ZNF208: variants seen among roughly 807,000 people sequenced by gnomAD.
ZNF208 encodes the protein zinc finger protein 95.
A neutral mutation model predicts 12.1 loss-of-function variants in ZNF208; 10 were observed. The ratio of observed to expected loss-of-function variants is 0.83; its 90% CI spans 0.51 to 1.40. The LOEUF is 1.40. Ranked by LOEUF, ZNF208 falls within the 40% of genes most tolerant of loss-of-function variation. The pLI is 0.00. For missense variants in ZNF208, 1,652 were observed against 1,485.0 expected, an observed-to-expected ratio of 1.11 and a Z score of -1.85; for synonymous variants, 497 against 488.4, an observed-to-expected ratio of 1.02 and a Z score of -0.23.
intron 1 of ZNF208, among the ~76,000 whole-genome samples, chr19:21,990,701 T>C (rs1341259757): frequency 6.6e-6 from 1 of 152,206 alleles, no homozygotes. Context: ...ATACCTAGTA[T>C]GGCCATTTTC....
Position 21,942,364 on chromosome 19 carries a change from G to GT in ZNF208, c.306-9128dup, listed in dbSNP as rs373268141. Among the ~76,000 whole-genome samples, 266 of 152,196 alleles carry GT rather than the reference G, an allele frequency of 1.7e-3. 1 individual carries two copies. Among genetic ancestry groups the GT allele is most frequent in the African/African-American group, 6.1e-3 (252 of 41,550 alleles). On this transcript the variant is annotated intron_variant, in intron 4 of 4. Transcript: ENST00000599916. ...GTGTTTCTAAATACCCAGAAGTCTTGTTTTAATCAGATTAGCTCTGGGGAT... is the reference window on the plus strand; with the variant it reads ...GTGTTTCTAAATACCCAGAAGTCTTGTTTTTAATCAGATTAGCTCTGGGGAT...
intron 1 of ZNF208, among the ~76,000 whole-genome samples, chr19:22,002,173 A>G (rs1970965853): frequency 6.6e-6 from 1 of 152,132 alleles, no homozygotes; most frequent in Non-Finnish European, 1.5e-5. Flanking sequence ...ACCCTCAACA[A>G]ACTAGGCATT....
chr19:22,006,076 G>C (rs1046645647), intron 1 of ZNF208, among the ~76,000 whole-genome samples: 2 of 151,866 alleles, frequency 1.3e-5, no homozygotes, highest in Non-Finnish European at 2.9e-5. Flanking sequence ...TCTTCCCACA[G>C]GCTCCTGAAC....
rs142691129 is a variant in ZNF208 at position 21,943,868 on chromosome 19, G to T, written c.306-10631C>A. On this transcript the variant is annotated intron_variant, in intron 4 of 4. Coordinates refer to the ZNF208 transcript ENST00000599916. ...TGTGCTAAAAGTATTGAGCCAGAAT[G>T]ATATGTATCTGAGGATTATTAAAGG... Among the ~76,000 whole-genome samples the T allele has an allele frequency of 1.7e-3, 256 of 152,258 alleles. 1 individual carries two copies. Among genetic ancestry groups the T allele is most frequent in the African/African-American group, 5.9e-3 (247 of 41,540 alleles).
downstream of ZNF208, among the ~76,000 whole-genome samples, chr19:21,964,696 A>G (rs981283005): frequency 2.0e-5 from 3 of 151,876 alleles, no homozygotes; most frequent in East Asian, 3.9e-4. Flanking sequence ...TTAGCTTATT[A>G]TTACATAGAA....
chr19:21,960,812 C>A (rs1599606075), intron 4 of ZNF208, among the ~76,000 whole-genome samples: 1 of 152,196 alleles, frequency 6.6e-6, no homozygotes, highest in African/African-American at 2.4e-5. Context: ...AAGATGCACA[C>A]TCAAAAACCT....
rs777777828 is a variant in ZNF208, at chr19:21,972,664, T to C, written c.2370A>G (p.Ala790=). 6.2e-7 allele frequency: 1 copy of C among 1,613,114 alleles called. No individual in the cohort carries two copies. Among genetic ancestry groups the C allele is most frequent in the Non-Finnish European group, 8.5e-7 (1 of 1,179,850 alleles). The change falls in exon 4 of 4, where the codon GCA becomes GCG. Residue 790 remains alanine (A), a synonymous_variant. Coordinates refer to ENST00000397126, the MANE Select transcript of ZNF208 (RefSeq NM_007153.3). ...EECGKAFNRS[A]ILIKHKRIHT... is the part of the protein sequence containing the mutation. ...GAATTCTCTTATGTTTAATAAGGAT[T>C]GCAGATCGGTTAAAAGCTTTGCCAC...
chr19:21,987,345 C>T (rs759581733), intron 2 of ZNF208, 34 bp from the exon 3 acceptor site: 1 of 1,577,412 alleles, frequency 6.3e-7, no homozygotes, highest in South Asian at 1.2e-5. Context: ...ATGCTTCTTG[C>T]TCATATTCTC....
chr19:21,971,722 C>G lies in ZNF208; in HGVS notation c.3312G>C (p.Lys1104Asn), dbSNP rs766543319. The G allele has an allele frequency of 6.2e-7, 1 of 1,613,928 alleles. No individual in the cohort carries two copies. Among genetic ancestry groups the G allele is most frequent in the Non-Finnish European group, 8.5e-7 (1 of 1,179,964 alleles). ...FNWSSNLMEH[K>N]RIHTGEKPYK... ...AGGGTTTCTCTCCAGTATGAATTCT[C>G]TTATGTTCCATAAGGTTTGAGGACC... Residue 1104 changes from lysine (K) to asparagine (N), a missense_variant, in exon 4 of 4, where the codon AAG (lysine) becomes AAC (asparagine). This residue lies in a region of ZNF208 where 1,239 missense variants were observed against 1,086.2 expected (regional missense o/e 1.14). Coordinates refer to ENST00000397126, the MANE Select transcript of ZNF208 (RefSeq NM_007153.3).
chr19:21,989,827 T>C (rs1970698660), intron 1 of ZNF208, among the ~76,000 whole-genome samples: 1 of 152,242 alleles, frequency 6.6e-6, no homozygotes, highest in African/African-American at 2.4e-5. Flanking sequence ...ATTACTCTGA[T>C]GGCCAGTGAT....
rs1156701534 is a variant in ZNF208 at position 21,974,734 on chromosome 19, C to G, written c.300G>C (p.Leu100Phe). ...CATGTCCACATTTTTCATACCTTCT[C>G]AATATCACTTTTTGGAAAGAATCTT... ...GIEDSFQKVI[L>F]RRYEKCGHEN... The change falls in exon 4 of 4, where the codon TTG becomes TTC. Residue 100 changes from leucine to phenylalanine, a missense_variant. By Grantham distance (22) the Leu-to-Phe change is conservative. Coordinates refer to ENST00000397126, the MANE Select transcript of ZNF208 (RefSeq NM_007153.3). 2.5e-6 allele frequency: 4 copies of G among 1,612,056 alleles called. No homozygotes were observed. In the African/African-American group the frequency reaches 5.3e-5, roughly 22 times the overall value.
chr19:21,987,422 AAAATACT>A (rs1970647640), intron 2 of ZNF208, 111 bp from the exon 3 acceptor site: 1 of 1,108,528 alleles, frequency 9.0e-7, no homozygotes, highest in African/African-American at 1.6e-5. Flanking sequence ...GATTTATCCC[AAAATACT>A]AAATTATAAT....
Position 21,967,215 on chromosome 19 carries a change from G to T in ZNF208, c.*3976C>A, listed in dbSNP as rs1359017086. The stretch of plus-strand genomic sequence containing the variant: ...AGATCAAGTCTTTAATCTATATTGA[G>T]TTGTTTTTTTTTTATAGAAAAAGGT... On this transcript the variant is annotated 3_prime_UTR_variant, in exon 4 of 4. Coordinates refer to ENST00000397126, the MANE Select transcript of ZNF208 (RefSeq NM_007153.3). The T allele has an allele frequency of 6.6e-6, 1 of 151,442 alleles. No homozygotes were observed. Among genetic ancestry groups the T allele is most frequent in the Non-Finnish European group, 1.5e-5 (1 of 67,862 alleles). 9.4% of individuals were successfully genotyped at this position (151,442 alleles called of 1,614,324 possible).
chr19:22,000,178 C>A (rs1206132820), intron 1 of ZNF208, among the ~76,000 whole-genome samples: 1 of 152,134 alleles, frequency 6.6e-6, no homozygotes, highest in Non-Finnish European at 1.5e-5. Context: ...AACAATATTA[C>A]GACTTGAACT....
chr19:21,971,322 A>T lies in ZNF208; in HGVS notation c.3712T>A (p.Ser1238Thr), dbSNP rs1177476880. ...EECGKAFSTF[S>T]ILTKHKVIHT... Reference sequence around the variant, plus strand: ...ATTACCTTATGTTTAGTGAGGATTGAGAACGTACTAAAGGCTTTGCCACAT... The same window carrying T: ...ATTACCTTATGTTTAGTGAGGATTGTGAACGTACTAAAGGCTTTGCCACAT... The change falls in exon 4 of 4, where the codon TCA becomes ACA. Residue 1238 changes from serine to threonine, a missense_variant. This residue lies in a region of ZNF208 where 1,239 missense variants were observed against 1,086.2 expected (regional missense o/e 1.14). Coordinates refer to ENST00000397126, the MANE Select transcript of ZNF208 (RefSeq NM_007153.3). 6.8e-6 allele frequency: 11 copies of T among 1,611,558 alleles called. No homozygotes were observed. Among genetic ancestry groups the T allele is most frequent in the Non-Finnish European group, 8.5e-6 (10 of 1,179,922 alleles).
At chr19:21,949,463 A>G (rs1166668167) in intron 4 of ZNF208, among the ~76,000 whole-genome samples, 1 of 152,106 alleles carries the variant, frequency 6.6e-6, no homozygotes, top group Non-Finnish European at 1.5e-5. Context: ...CATTGGGGGG[A>G]CCTTACACAT....
intron 3 of ZNF208, among the ~76,000 whole-genome samples, chr19:21,980,529 A>G (rs1423780011): frequency 6.6e-6 from 1 of 152,230 alleles, no homozygotes; most frequent in African/African-American, 2.4e-5. Flanking sequence ...AACAGGAACA[A>G]AGACACAACA....
rs1212619264 is a variant in ZNF208, at chr19:21,968,666, C to A, written c.*2525G>T. 1 of 152,006 alleles carries A rather than the reference C, an allele frequency of 6.6e-6. No individual in the cohort carries two copies. The highest frequency in any genetic ancestry group is 2.4e-5 in the African/African-American group (1 of 41,380). The allele number at this position is 152,006 out of a possible 1,614,324, so 9.4% of individuals were successfully genotyped here. On this transcript the variant is annotated 3_prime_UTR_variant, in exon 4 of 4. Coordinates refer to ENST00000397126, the MANE Select transcript of ZNF208 (RefSeq NM_007153.3). ...TACTTTCCTTTTTTTGTGGTGCCTT[C>A]ACTAGATTTTAGTTTCATATATTTC...
chr19:21,971,926 T>G lies in ZNF208; in HGVS notation c.3108A>C (p.Lys1036Asn). The change falls in exon 4 of 4, where the codon AAA becomes AAC. Residue 1036 changes from lysine to asparagine, a missense_variant. Coordinates refer to ENST00000397126, the MANE Select transcript of ZNF208 (RefSeq NM_007153.3). Reference sequence around the variant, plus strand: ...TAAGGCTTGAGGGCCAGCTGAAGGCTTTGTCACATTCTTCACATTTGTAGG... The same window carrying G: ...TAAGGCTTGAGGGCCAGCTGAAGGCGTTGTCACATTCTTCACATTTGTAGG... Reference protein sequence around the residue: ...ETPYKCEECDKAFSWPSSLTE... With the variant: ...ETPYKCEECDNAFSWPSSLTE... The G allele has an allele frequency of 6.6e-7, 1 of 1,524,238 alleles. No homozygotes were observed. The highest frequency in any genetic ancestry group is 8.9e-7 in the Non-Finnish European group (1 of 1,118,614). 94.4% of individuals were successfully genotyped at this position (1,524,238 alleles called of 1,614,324 possible). A position where few individuals can be genotyped will look rare whatever the true frequency, so the allele number is the denominator to read the frequency against.
Sources: gnomAD v4.1 joint callset for allele counts (sites outside exome capture counted in the v4.1 genomes callset) on GRCh38, gnomAD v4.1.1 for gene constraint, gnomAD v4.1.1 regional missense constraint, MANE v1.5 for transcripts, NCBI Gene and HGNC (gene_info 2026-07-23, HGNC 2026-07-21) for gene names.